HTT: variants seen among roughly 807,000 people sequenced by gnomAD.
HTT encodes the protein huntington disease protein.
HTT carries 104 observed loss-of-function variants against 362.3 expected under a neutral mutation model. The observed-to-expected ratio is 0.29, with a 90% CI of 0.24 to 0.34. The LOEUF (loss-of-function observed/expected upper bound fraction) is 0.34. Among genes scored for constraint, HTT ranks in the 10% least tolerant of loss-of-function variants. HTT has a pLI of 1.00. For synonymous variants in HTT, 1,577 were observed against 1,548.7 expected (o/e 1.02, Z -0.43); for missense variants, 3,301 against 3,928.6 (o/e 0.84, Z 4.27).
chr4:3,154,343 AAAGGGG>A lies in HTT; in HGVS notation c.3554_3559del (p.Gly1185_Lys1186del). 1 of 1,613,056 alleles carries A rather than the reference AAAGGGG, an allele frequency of 6.2e-7. No individual in the cohort carries two copies. Among genetic ancestry groups the A allele is most frequent in the Non-Finnish European group, 8.5e-7 (1 of 1,179,546 alleles). Reference sequence around the variant, plus strand: ...CCCCTTCTCTAAGTCCCATCCGACGAAAGGGGAAGGAGAAAGAACCAGGAGAACAAG... The same window carrying A: ...CCCCTTCTCTAAGTCCCATCCGACGAAAGGAGAAAGAACCAGGAGAACAAG... On this transcript the variant is annotated inframe_deletion, in exon 27 of 67. Coordinates refer to ENST00000355072, the MANE Select transcript of HTT (RefSeq NM_001388492.1).
intron 55 of HTT, 25 bp downstream of exon 55, chr4:3,223,585 C>G: frequency 6.3e-7 from 1 of 1,581,820 alleles, no homozygotes; most frequent in South Asian, 1.2e-5. Flanking sequence ...CCACGTGTCT[C>G]TGGGACATAG....
chr4:3,223,866 G>A (rs1159169314), intron 55 of HTT, 126 bp from the exon 56 acceptor site: 3 of 947,600 alleles, frequency 3.2e-6, no homozygotes, highest in Non-Finnish European at 4.9e-6. Context: ...TGCTCACTTA[G>A]GAAGTGAGTT....
intron 45 of HTT, among the ~76,000 whole-genome samples, chr4:3,208,553 A>G (rs192766643): frequency 4.1e-4 from 62 of 152,366 alleles, no homozygotes; most frequent in African/African-American, 1.5e-3. Context: ...ACTTAAAAGT[A>G]AACTAGGGCC....
At chr4:3,145,369 T>C in intron 24 of HTT, 141 bp downstream of exon 24, 1 of 658,290 alleles carries the variant, frequency 1.5e-6, no homozygotes, top group Non-Finnish European at 2.7e-6. Flanking sequence ...AATACTTGTT[T>C]CTGCTATATT....
intron 17 of HTT, 46 bp downstream of exon 17, chr4:3,132,766 A>G (rs879134476): frequency 6.2e-7 from 1 of 1,612,854 alleles, no homozygotes; most frequent in Non-Finnish European, 8.5e-7. Flanking sequence ...TATGCTTACT[A>G]AGGTTTAAGT....
intron 38 of HTT, among the ~76,000 whole-genome samples, chr4:3,187,248 C>T (rs544133776): frequency 6.6e-6 from 1 of 151,944 alleles, no homozygotes; most frequent in African/African-American, 2.4e-5. Flanking sequence ...CTCCGCCTCC[C>T]GGGTTCAAGC....
chr4:3,172,405 C>T lies in HTT; in HGVS notation c.3942+8C>T, dbSNP rs1255356559. The T allele has an allele frequency of 2.5e-6, 4 of 1,582,174 alleles. No homozygotes were observed. The highest frequency in any genetic ancestry group is 3.3e-5 in the Admixed American group (2 of 59,976). ...ACTGTTTGTGTTCAACAAGTAAGAG[C>T]TTCATTCTTTTCCTCTTCTGTTAAG... is the stretch of plus-strand genomic sequence containing the variant. On this transcript the variant is annotated splice_region_variant and intron_variant, in intron 30 of 66. Coordinates refer to ENST00000355072, the MANE Select transcript of HTT (RefSeq NM_001388492.1).
chr4:3,217,003 C>T (rs1035053238), intron 51 of HTT, among the ~76,000 whole-genome samples: 2 of 148,878 alleles, frequency 1.3e-5, no homozygotes, highest in African/African-American at 2.5e-5. Flanking sequence ...CCAGCCTGGG[C>T]GACAGAGCAA....
At chr4:3,118,501 T>C (rs1007168851) in intron 8 of HTT, among the ~76,000 whole-genome samples, 2 of 152,014 alleles carry the variant, frequency 1.3e-5, no homozygotes, top group Non-Finnish European at 2.9e-5. Flanking sequence ...AGACAGAAAA[T>C]GTGGTCTTTG....
intron 2 of HTT, among the ~76,000 whole-genome samples, chr4:3,089,471 T>G (rs28387056): frequency 0.02 from 2,979 of 152,312 alleles, 55 homozygotes; most frequent in Middle Eastern, 0.037. Context: ...GCCAGGATGG[T>G]CTTGATCTCC....
At chr4:3,209,028 C>A in intron 46 of HTT, 117 bp downstream of exon 46, 2 of 1,153,352 alleles carry the variant, frequency 1.7e-6, no homozygotes. Context: ...TGGCGCTCGG[C>A]TCGGCTCAGT....
At chr4:3,174,511 G>A (rs1262597868) in intron 31 of HTT, among the ~76,000 whole-genome samples, 1 of 152,210 alleles carries the variant, frequency 6.6e-6, no homozygotes, top group Non-Finnish European at 1.5e-5. Flanking sequence ...AGACTTGATG[G>A]CTGTCAGGCA....
chr4:3,094,633 C>A (rs1238531239), intron 2 of HTT, among the ~76,000 whole-genome samples: 14 of 130,368 alleles, frequency 1.1e-4, no homozygotes, highest in Admixed American at 2.9e-4. Context: ...GGGGCTGCCC[C>A]CCACCTCCCG....
At chr4:3,211,899 G>T in intron 47 of HTT, 30 bp from the exon 48 acceptor site, 1 of 1,517,958 alleles carries the variant, frequency 6.6e-7, no homozygotes, top group South Asian at 1.1e-5. Context: ...TGTTGTTATT[G>T]TTTGTTAACC....
intron 1 of HTT, among the ~76,000 whole-genome samples, chr4:3,085,443 A>AT (rs995771142): frequency 6.6e-6 from 1 of 152,070 alleles, no homozygotes; most frequent in East Asian, 1.9e-4. Flanking sequence ...GTTTGTTTTA[A>AT]TTTTGAAGGT....
At position 3,187,826 on chromosome 4, in the gene HTT, C is replaced by A; in HGVS notation, c.5165C>A (p.Thr1722Lys). ...TTAAGAGATGGGGACAGTACTTCAA[C>A]GCTAGAAGAACACAGTGAAGGGAAA... ...NRLRDGDSTS[T>K]LEEHSEGKQI... Residue 1722 changes from threonine to lysine, a missense_variant, in exon 39 of 67, where the codon ACG (threonine) becomes AAG (lysine). Thr to Lys is a moderately conservative substitution (Grantham distance 78, BLOSUM62 -1). Coordinates refer to ENST00000355072, the MANE Select transcript of HTT (RefSeq NM_001388492.1). 6 of 1,613,244 alleles carry A rather than the reference C, an allele frequency of 3.7e-6. No homozygotes were observed. The highest frequency in any genetic ancestry group is 1.3e-5 in the African/African-American group (1 of 74,962).
rs1719996636 is a variant in HTT, at chr4:3,208,830, A to T, written c.6210A>T (p.Ser2070=). The T allele has an allele frequency of 6.2e-7, 1 of 1,613,348 alleles. No homozygotes were observed. The highest frequency in any genetic ancestry group is 1.7e-5 in the Admixed American group (1 of 59,982). The change falls in exon 46 of 67, where the codon TCA becomes TCT. Residue 2070 remains serine (S), a synonymous_variant. Coordinates refer to ENST00000355072, the MANE Select transcript of HTT (RefSeq NM_001388492.1). ...DRFRLSTMQD[S]LSPSPPVSSH... ...TTCGTCTCTCCACCATGCAAGACTC[A>T]CTTAGTCCCTCTCCTCCAGTCTCTT...
chr4:3,086,542 G>A lies in HTT; in HGVS notation c.264-397G>A, dbSNP rs139608523. On this transcript the variant is annotated intron_variant, in intron 1 of 66. Transcript: ENST00000355072. Reference sequence around the variant, plus strand: ...AAAAATTAGCCAGGCCCAGTGGTGCGTGCCTGTGGTCCGCGCCACTCAGGA... The same window carrying A: ...AAAAATTAGCCAGGCCCAGTGGTGCATGCCTGTGGTCCGCGCCACTCAGGA... Among the ~76,000 whole-genome samples the A allele has an allele frequency of 5.1e-3, 771 of 152,276 alleles. 4 individuals carry two copies. Among genetic ancestry groups the A allele is most frequent in the Non-Finnish European group, 8.1e-3 (549 of 68,026 alleles).
chr4:3,120,382 A>G (rs1445990355), intron 8 of HTT, among the ~76,000 whole-genome samples: 1 of 152,224 alleles, frequency 6.6e-6, no homozygotes, highest in African/African-American at 2.4e-5. Flanking sequence ...AGGGAAAAAG[A>G]ATAAATTCAT....
Sources: gnomAD v4.1 joint callset for allele counts (sites outside exome capture counted in the v4.1 genomes callset) on GRCh38, gnomAD v4.1.1 for gene constraint, MANE v1.5 for transcripts, NCBI Gene and HGNC (gene_info 2026-07-23, HGNC 2026-07-21) for gene names.